The following ZBTB46 variants were observed in gnomAD, a reference collection of about 807,000 sequenced individuals.
The protein encoded by ZBTB46 is zinc finger and BTB domain-containing protein 46.
In ZBTB46, 8 loss-of-function variants were observed where a neutral mutation model predicts 44.1. The observed-to-expected ratio is 0.18, with a 90% CI of 0.11 to 0.33. The LOEUF (loss-of-function observed/expected upper bound fraction) is 0.33, where lower values mean the gene tolerates loss of function less well. Ranked by LOEUF, ZBTB46 falls within the 10% of genes least tolerant of loss-of-function variation. ZBTB46 has a pLI of 1.00. For synonymous variants in ZBTB46, 409 were observed against 382.3 expected, an observed-to-expected ratio of 1.07 and a Z score of -0.81; for missense variants, 651 against 847.7, an observed-to-expected ratio of 0.77 and a Z score of 2.88.
At chr20:63,783,003 G>A (rs530796007) in intron 2 of ZBTB46, among the ~76,000 whole-genome samples, 6 of 152,290 alleles carry the variant, frequency 3.9e-5, no homozygotes, top group South Asian at 4.1e-4. Context: ...GGTGGCGCAC[G>A]CCCATAGTCC....
In ZBTB46 at chr20:63,747,127, C is replaced by T. The variant is rs2092099388; in HGVS notation, c.1573G>A (p.Glu525Lys). ...GGCCCGTCGCCTGGGAACAGCGCCT[C>T]TGGAGAGCCCTCGCCGCCTCCGCCG... ...HGGGGGEGSP[E>K]ALFPGDGPYL... Residue 525 changes from glutamate to lysine, a missense_variant, in exon 5 of 5, where the codon GAG becomes AAG. Physicochemically the swap from Glu to Lys is moderately conservative, Grantham distance 56. Coordinates refer to ENST00000245663, the MANE Select transcript of ZBTB46 (RefSeq NM_001369741.1). 1 of 1,610,382 alleles carries T rather than the reference C, an allele frequency of 6.2e-7. No homozygotes were observed. The highest frequency in any genetic ancestry group is 1.3e-5 in the African/African-American group (1 of 74,968).
intron 1 of ZBTB46, among the ~76,000 whole-genome samples, chr20:63,801,319 T>G (rs890607964): frequency 6.6e-6 from 1 of 152,214 alleles, no homozygotes; most frequent in African/African-American, 2.4e-5. Context: ...TGTCTAGCTA[T>G]CTAGTGAAGA....
chr20:63,781,719 G>A (rs970305766), intron 2 of ZBTB46, among the ~76,000 whole-genome samples: 12 of 152,082 alleles, frequency 7.9e-5, no homozygotes, highest in Admixed American at 2.0e-4. Flanking sequence ...TTGAACCTAG[G>A]AGGCAGAGGT....
chr20:63,815,959 G>GGGCACAGGTGCAGTGGGCACAGGTA (rs1568902348), intron 1 of ZBTB46, among the ~76,000 whole-genome samples: 1 of 139,430 alleles, frequency 7.2e-6, no homozygotes, highest in African/African-American at 2.8e-5. Flanking sequence ...GGGCACAGGT[G>GGGCACAGGTGCAGTGGGCACAGGTA]CAGTGGGTGC....
intron 2 of ZBTB46, among the ~76,000 whole-genome samples, chr20:63,782,645 A>G (rs2092480406): frequency 6.6e-6 from 1 of 152,212 alleles, no homozygotes; most frequent in African/African-American, 2.4e-5. Context: ...GCCCACATCC[A>G]GACAACCACA....
chr20:63,758,695 T>C (rs2092246817), intron 3 of ZBTB46, among the ~76,000 whole-genome samples: 2 of 151,432 alleles, frequency 1.3e-5, no homozygotes, highest in Admixed American at 6.6e-5. Context: ...TTAACCAGAA[T>C]TGTGCTGACC....
In ZBTB46 at chr20:63,767,062, G is replaced by A. The variant is rs1057386713; in HGVS notation, c.1222+8616C>T. Among the ~76,000 whole-genome samples, 8 of 152,218 alleles carry A rather than the reference G, an allele frequency of 5.3e-5. No individual in the cohort carries two copies. Among genetic ancestry groups the A allele is most frequent in the African/African-American group, 1.7e-4 (7 of 41,466 alleles). Reference sequence around the variant, plus strand: ...AGCTGACATTGAACCTAACACGTCCGACGAGGACGGGCAAGGGCACCGCGG... The same window carrying A: ...AGCTGACATTGAACCTAACACGTCCAACGAGGACGGGCAAGGGCACCGCGG... On this transcript the variant is annotated intron_variant, in intron 3 of 4. Transcript: ENST00000245663. This position sits in a 1 kb window ranked among gnomAD's most constrained non-coding sequence, Gnocchi z 5.0.
chr20:63,793,056 G>A (rs1371913329), intron 1 of ZBTB46, among the ~76,000 whole-genome samples: 4 of 152,162 alleles, frequency 2.6e-5, no homozygotes, highest in Non-Finnish European at 5.9e-5. Context: ...CGAGGGCTGT[G>A]ACGGCGGTGA....
intron 1 of ZBTB46, among the ~76,000 whole-genome samples, chr20:63,793,547 C>G (rs971164875): frequency 6.6e-6 from 1 of 150,732 alleles, no homozygotes; most frequent in South Asian, 2.1e-4. Context: ...GGAAGCTGAC[C>G]GATCATATTT....
chr20:63,781,140 C>CAAAAAAA (rs58102231), intron 2 of ZBTB46, among the ~76,000 whole-genome samples: 2 of 83,928 alleles, frequency 2.4e-5, no homozygotes, highest in Non-Finnish European at 4.2e-5. Flanking sequence ...GACTCTGCCT[C>CAAAAAAA]AAAAAAAAAA....
chr20:63,796,752 G>A (rs1434338513), intron 1 of ZBTB46, among the ~76,000 whole-genome samples: 1 of 152,102 alleles, frequency 6.6e-6, no homozygotes, highest in Non-Finnish European at 1.5e-5. Flanking sequence ...TTGAACCTGC[G>A]AGGCGGAGGT....
At position 63,775,981 on chromosome 20, in the gene ZBTB46, A is replaced by G; in HGVS notation, c.938-19T>C. Reference sequence around the variant, plus strand: ...TCCGCATCTGGGGACAGAGGGACACACGTCAGAAGACACGGGTCGTTCCCA... The same window carrying G: ...TCCGCATCTGGGGACAGAGGGACACGCGTCAGAAGACACGGGTCGTTCCCA... On this transcript the variant is annotated intron_variant, in intron 2 of 4. Transcript: ENST00000245663. 5 of 1,523,600 alleles carry G rather than the reference A, an allele frequency of 3.3e-6. No individual in the cohort carries two copies. Among genetic ancestry groups the G allele is most frequent in the Non-Finnish European group, 2.6e-6 (3 of 1,142,188 alleles). 94.4% of individuals were successfully genotyped at this position (1,523,600 alleles called of 1,614,324 possible). A position where few individuals can be genotyped will look rare whatever the true frequency, so the allele number is the denominator to read the frequency against.
rs765681903 is a variant in ZBTB46 at position 63,790,704 on chromosome 20, C to G, written c.54G>C (p.Leu18=). Residue 18 remains leucine (L), a synonymous_variant, in exon 2 of 5, where the codon CTG becomes CTC. Coordinates refer to ENST00000245663, the MANE Select transcript of ZBTB46 (RefSeq NM_001369741.1). ...GCTGCCTCTGCTCGTTGAGCTCCCGCAGCAGGTGCCGGTAGTGGGACGTGA... is the reference window on the plus strand; with the variant it reads ...GCTGCCTCTGCTCGTTGAGCTCCCGGAGCAGGTGCCGGTAGTGGGACGTGA... ...MEITSHYRHL[L]RELNEQRQHG... 1 of 1,611,370 alleles carries G rather than the reference C, an allele frequency of 6.2e-7. No homozygotes were observed.
intron 1 of ZBTB46, among the ~76,000 whole-genome samples, chr20:63,819,352 C>T (rs933370275): frequency 6.6e-6 from 1 of 152,186 alleles, no homozygotes; most frequent in Non-Finnish European, 1.5e-5. Flanking sequence ...CCTCCAGGAG[C>T]GCATCCCGAA....
At chr20:63,748,575 C>T (rs1249707252) in intron 4 of ZBTB46, among the ~76,000 whole-genome samples, 1 of 152,174 alleles carries the variant, frequency 6.6e-6, no homozygotes, top group Non-Finnish European at 1.5e-5. Context: ...CTCCAAGGAC[C>T]GAGAGGGCAG....
At chr20:63,758,530 T>A (rs981026243) in intron 3 of ZBTB46, among the ~76,000 whole-genome samples, 3 of 115,076 alleles carry the variant, frequency 2.6e-5, no homozygotes, top group Non-Finnish European at 5.3e-5. Flanking sequence ...TTATGAGTTA[T>A]TTCTGTGTCT....
intron 3 of ZBTB46, among the ~76,000 whole-genome samples, chr20:63,754,260 C>T (rs576606809): frequency 3.9e-5 from 6 of 152,190 alleles, no homozygotes; most frequent in Non-Finnish European, 8.8e-5. Flanking sequence ...GTCAGCCACA[C>T]TGTGCCCCTG....
At chr20:63,751,763 C>T (rs2092167607) in intron 4 of ZBTB46, among the ~76,000 whole-genome samples, 2 of 109,410 alleles carry the variant, frequency 1.8e-5, no homozygotes, top group African/African-American at 3.9e-5. Flanking sequence ...CCATGAAGCC[C>T]CGCCCCCCGG....
intron 1 of ZBTB46, among the ~76,000 whole-genome samples, chr20:63,816,200 A>G (rs868144329): frequency 1.5e-4 from 23 of 151,730 alleles, no homozygotes; most frequent in African/African-American, 5.6e-4. Flanking sequence ...AGGTGCAGTG[A>G]GCAAGGCAAA....
Sources: gnomAD v4.1 joint callset for allele counts (sites outside exome capture counted in the v4.1 genomes callset) on GRCh38, gnomAD v4.1.1 for gene constraint, Gnocchi (gnomAD v3.1) non-coding constraint, MANE v1.5 for transcripts, NCBI Gene and HGNC (gene_info 2026-07-23, HGNC 2026-07-21) for gene names.